The following UTP6 variants were observed in gnomAD, a reference collection of about 807,000 sequenced individuals.
The protein encoded by UTP6 is UTP6 small subunit processome component.
A neutral mutation model predicts 96.5 loss-of-function variants in UTP6; 60 were observed. The observed-to-expected ratio is 0.62, with a 90% confidence interval of 0.51 to 0.77. The LOEUF (loss-of-function observed/expected upper bound fraction) is 0.77, where lower values mean the gene tolerates loss of function less well. UTP6 is among the 30% of genes least tolerant of loss of function. UTP6 has a pLI of 0.00. For synonymous variants in UTP6, 215 were observed against 240.1 expected (o/e 0.90, Z 0.96); for missense variants, 637 against 706.5 (o/e 0.90, Z 1.12).
intron 17 of UTP6, chr17:31,866,667 G>A (rs1019383085): frequency 4.8e-5 from 7 of 144,570 alleles, no homozygotes; most frequent in African/African-American, 1.6e-4. Flanking sequence ...GGGAAGCAGA[G>A]GTTGCAGTGA....
intron 1 of UTP6, among the ~76,000 whole-genome samples, 186 bp from the exon 2 acceptor site, chr17:31,899,916 C>A (rs773470519): frequency 6.6e-6 from 1 of 152,022 alleles, no homozygotes; most frequent in African/African-American, 2.4e-5. Context: ...GAGGCTGAGG[C>A]GGGTAGATCA....
chr17:31,872,771 C>G (rs1468551705), intron 16 of UTP6, among the ~76,000 whole-genome samples: 4 of 151,918 alleles, frequency 2.6e-5, no homozygotes, highest in African/African-American at 9.7e-5. Flanking sequence ...GAGGCCAAGA[C>G]AAGCAAATCA....
At chr17:31,885,315 T>C (rs1362493313) in intron 9 of UTP6, among the ~76,000 whole-genome samples, 3 of 151,490 alleles carry the variant, frequency 2.0e-5, no homozygotes, top group African/African-American at 7.3e-5. Context: ...CAGCTAATTT[T>C]TGTATTTTTA....
Position 31,878,922 on chromosome 17 carries a change from A to C in UTP6, c.968-141T>G, listed in dbSNP as rs1277201146. ...AAACTCTCCTCTGAAGAAGAGTTTA[A>C]ATCAGCCTGATTTTAAGAAGTGTTA... On this transcript the variant is annotated intron_variant, in intron 11 of 18. Coordinates refer to ENST00000261708, the MANE Select transcript of UTP6 (RefSeq NM_018428.3). 12 of 732,202 alleles carry C rather than the reference A, an allele frequency of 1.6e-5. No individual in the cohort carries two copies. In the East Asian group the frequency reaches 3.2e-4, roughly 20 times the overall value. The allele number at this position is 732,202 out of a possible 1,614,324, so 45.4% of individuals were successfully genotyped here. A position where few individuals can be genotyped will look rare whatever the true frequency, so the allele number is the denominator to read the frequency against.
rs369747159 is a variant in UTP6, at chr17:31,878,694, A to G, written c.1047+8T>C. ...TAGTCAACCACTGTAACCATGTAAC[A>G]ACCTCACCTTCCCTCTAAGGAACCC... On this transcript the variant is annotated splice_region_variant and intron_variant, in intron 12 of 18. Coordinates refer to ENST00000261708, the MANE Select transcript of UTP6 (RefSeq NM_018428.3). The G allele has an allele frequency of 8.1e-6, 13 of 1,613,466 alleles. No individual in the cohort carries two copies. The African/African-American group carries it at 1.7e-4, about 22-fold the overall frequency.
At chr17:31,894,285 GA>G (rs375515944) in intron 4 of UTP6, among the ~76,000 whole-genome samples, 34,107 of 124,996 alleles carry the variant, frequency 0.27, 4,844 homozygotes, top group African/African-American at 0.43. Flanking sequence ...AAAAAAAAAA[GA>G]AAAAAAAAAA....
chr17:31,880,867 G>A (rs1910791221), intron 10 of UTP6, 113 bp from the exon 11 acceptor site: 1 of 1,411,366 alleles, frequency 7.1e-7, no homozygotes, highest in Admixed American at 1.9e-5. Flanking sequence ...TGTAACAACT[G>A]CAGTACCATA....
intron 14 of UTP6, 150 bp from the exon 15 acceptor site, chr17:31,873,903 A>T (rs1217018835): frequency 1.3e-6 from 1 of 782,298 alleles, no homozygotes; most frequent in Admixed American, 3.4e-5. Flanking sequence ...TTAAAAAGGC[A>T]GGTTCCTCCT....
At position 31,894,398 on chromosome 17, in the gene UTP6, T is replaced by A. The variant is rs181349381; in HGVS notation, c.312+247A>T. On this transcript the variant is annotated intron_variant, in intron 4 of 18. Coordinates refer to ENST00000261708, the MANE Select transcript of UTP6 (RefSeq NM_018428.3). ...ATACAAATATCTCCCAAATTTCCAA[T>A]CCTTAGTAATGTATCAAATACACTG... is the stretch of plus-strand genomic sequence containing the variant. Among the ~76,000 whole-genome samples, 5 of 151,970 alleles carry A rather than the reference T, an allele frequency of 3.3e-5. No homozygotes were observed. The East Asian group carries it at 9.7e-4, about 29-fold the overall frequency.
intron 8 of UTP6, 95 bp downstream of exon 8, chr17:31,887,141 A>AT (rs1279618607): frequency 2.5e-6 from 3 of 1,213,576 alleles, no homozygotes; most frequent in African/African-American, 3.1e-5. Flanking sequence ...AGAAAAAAAA[A>AT]GAAAAATATA....
At chr17:31,866,156 G>A (rs1050232017) in intron 17 of UTP6, among the ~76,000 whole-genome samples, 1 of 151,052 alleles carries the variant, frequency 6.6e-6, no homozygotes, top group Admixed American at 6.6e-5. Context: ...GCGTGGTGGC[G>A]GGTGCCTGTA....
intron 2 of UTP6, among the ~76,000 whole-genome samples, chr17:31,896,702 T>C (rs1465445114): frequency 1.3e-5 from 2 of 151,604 alleles, no homozygotes; most frequent in Non-Finnish European, 2.9e-5. Context: ...AATGGCGCCA[T>C]CATGGCTCAC....
Position 31,875,294 on chromosome 17 carries a change from C to T in UTP6, c.1245G>A (p.Glu415=). 6.2e-7 allele frequency: 1 copy of T among 1,614,174 alleles called. No homozygotes were observed. Among genetic ancestry groups the T allele is most frequent in the Non-Finnish European group, 8.5e-7 (1 of 1,180,028 alleles). ...GCATGGCTATGTCAGGGCTCTTTGA[C>T]TCGATCAGCACCTGCAGCTTCAGCT... The part of the protein sequence containing the change: ...MWQLKLQVLI[E]SKSPDIAMLF... The change falls in exon 14 of 19, where the codon GAG becomes GAA. Residue 415 remains glutamate, a synonymous_variant. Coordinates refer to ENST00000261708, the MANE Select transcript of UTP6 (RefSeq NM_018428.3).
chr17:31,901,503 C>T (rs761806431), intron 1 of UTP6, 33 bp downstream of exon 1: 4 of 1,610,008 alleles, frequency 2.5e-6, no homozygotes, highest in Non-Finnish European at 3.4e-6. Context: ...CTCAGGCCGC[C>T]TCAGCTCTTC....
chr17:31,900,176 T>C (rs990353121), intron 1 of UTP6, among the ~76,000 whole-genome samples: 1 of 152,194 alleles, frequency 6.6e-6, no homozygotes, highest in African/African-American at 2.4e-5. Context: ...ACAATTACTT[T>C]TGTGTTCTTA....
intron 13 of UTP6, among the ~76,000 whole-genome samples, chr17:31,876,035 T>G (rs948387875): frequency 6.6e-6 from 1 of 151,688 alleles, no homozygotes; most frequent in African/African-American, 2.4e-5. Context: ...TTTTTGTTTT[T>G]CTTTTTCTTT....
Position 31,862,528 on chromosome 17 carries a change from G to GT in UTP6, c.*830dup, listed in dbSNP as rs966811281. The GT allele has an allele frequency of 2.0e-5, 3 of 151,240 alleles. No homozygotes were observed. The highest frequency in any genetic ancestry group is 7.3e-5 in the African/African-American group (3 of 41,100). The allele number at this position is 151,240 out of a possible 1,614,324, so 9.4% of individuals were successfully genotyped here. A position where few individuals can be genotyped will look rare whatever the true frequency, so the allele number is the denominator to read the frequency against. ...ATTTTCCAGAACAAATGCATACCAC[G>GT]TATCTTTTATAATGAGAATAAACCA... On this transcript the variant is annotated 3_prime_UTR_variant, in exon 19 of 19. Transcript: ENST00000261708.
At chr17:31,886,092 C>T in intron 8 of UTP6, 31 bp from the exon 9 acceptor site, 5 of 1,590,388 alleles carry the variant, frequency 3.1e-6, no homozygotes, top group Non-Finnish European at 4.3e-6. Flanking sequence ...CGTAACTTAA[C>T]AGGTAGTACA....
intron 8 of UTP6, among the ~76,000 whole-genome samples, 175 bp from the exon 9 acceptor site, chr17:31,886,236 C>G (rs936211769): frequency 6.6e-6 from 1 of 152,200 alleles, no homozygotes; most frequent in African/African-American, 2.4e-5. Context: ...GATCACTGAC[C>G]TTCCAACTGT....
Sources: gnomAD v4.1 joint callset for allele counts (sites outside exome capture counted in the v4.1 genomes callset) on GRCh38, gnomAD v4.1.1 for gene constraint, MANE v1.5 for transcripts, NCBI Gene and HGNC (gene_info 2026-07-23, HGNC 2026-07-21) for gene names.